CACNG4: variants seen among roughly 807,000 people sequenced by gnomAD.
CACNG4 encodes the protein calcium voltage-gated channel auxiliary subunit gamma 4.
Under a neutral mutation model 22.9 loss-of-function variants are expected in CACNG4, and 8 were observed. The observed-to-expected ratio is 0.35, with a 90% CI of 0.21 to 0.63. CACNG4 has a LOEUF of 0.63. Among genes scored for constraint, CACNG4 ranks in the 30% least tolerant of loss-of-function variants. CACNG4 has a pLI of 0.72. For synonymous variants in CACNG4, 188 were observed against 191.9 expected, an observed-to-expected ratio of 0.98 and a Z score of 0.17; for missense variants, 357 against 455.4, an observed-to-expected ratio of 0.78 and a Z score of 1.97.
chr17:67,001,165 G>A (rs2035405874), intron 1 of CACNG4, among the ~76,000 whole-genome samples: 1 of 152,190 alleles, frequency 6.6e-6, no homozygotes, highest in Admixed American at 6.5e-5. Context: ...CTGCTGCCAT[G>A]TAAGATGTGC....
rs368551670 is a variant in CACNG4, at chr17:67,030,349, A to C, written c.446-117A>C. 8 of 816,110 alleles carry C rather than the reference A, an allele frequency of 9.8e-6. No individual in the cohort carries two copies. In the East Asian group the frequency reaches 1.9e-4, roughly 20 times the overall value. The allele number at this position is 816,110 out of a possible 1,614,324, so 50.6% of individuals were successfully genotyped here. A position where few individuals can be genotyped will look rare whatever the true frequency, so the allele number is the denominator to read the frequency against. On this transcript the variant is annotated intron_variant, in intron 3 of 3. Transcript: ENST00000262138. The surrounding 1 kb of genome is among the most constrained non-coding windows in gnomAD (Gnocchi z 6.4). ...AAAAATTAGCAACCAGAATAAAGAA[A>C]TACTCATCAGAGAGGGGAGTGTCCA...
intron 1 of CACNG4, among the ~76,000 whole-genome samples, chr17:66,968,384 TCTTCC>T (rs1438327461): frequency 6.6e-6 from 1 of 151,892 alleles, no homozygotes; most frequent in Non-Finnish European, 1.5e-5. Flanking sequence ...CCTTCTTTTC[TCTTCC>T]CTTCCCTTCT....
Position 67,030,881 on chromosome 17 carries a change from C to A in CACNG4, c.861C>A (p.Thr287=). ...TGTCCAGGGAGCCCCTCAAGGTGAC[C>A]ACCGCAGCCAGCTACAGCCCCGACC... ...YTLSREPLKV[T]TAASYSPDQE... is the part of the protein sequence containing the mutation. Residue 287 remains threonine, a synonymous_variant, in exon 4 of 4, where the codon ACC becomes ACA. Transcript: ENST00000262138. This position sits in a 1 kb window ranked among gnomAD's most constrained non-coding sequence, Gnocchi z 6.4. 6.2e-7 allele frequency: 1 copy of A among 1,612,768 alleles called. No individual in the cohort carries two copies. The highest frequency in any genetic ancestry group is 8.5e-7 in the Non-Finnish European group (1 of 1,180,022).
At chr17:66,987,618 T>C (rs2035312497) in intron 1 of CACNG4, among the ~76,000 whole-genome samples, 1 of 151,804 alleles carries the variant, frequency 6.6e-6, no homozygotes, top group South Asian at 2.1e-4. Context: ...AATGAGAGAG[T>C]GGTTTTACCG....
intron 1 of CACNG4, among the ~76,000 whole-genome samples, chr17:66,992,550 AC>A (rs1169896683): frequency 6.6e-6 from 1 of 152,152 alleles, no homozygotes; most frequent in African/African-American, 2.4e-5. Context: ...GCTGGAAGCA[AC>A]CCTGCCATGG....
At chr17:67,006,224 G>T (rs1400066430) in intron 1 of CACNG4, among the ~76,000 whole-genome samples, 3 of 152,216 alleles carry the variant, frequency 2.0e-5, no homozygotes, top group South Asian at 2.1e-4. Context: ...AGGGCCCCAG[G>T]GTGGGATCCA....
chr17:66,990,593 G>A (rs565681227), intron 1 of CACNG4, among the ~76,000 whole-genome samples: 1 of 152,162 alleles, frequency 6.6e-6, no homozygotes, highest in South Asian at 2.1e-4. Flanking sequence ...CCTCACTAGG[G>A]GTGGAGAGTT....
intron 2 of CACNG4, 63 bp downstream of exon 2, chr17:67,018,335 C>G (rs939401352): frequency 7.9e-7 from 1 of 1,272,678 alleles, no homozygotes; most frequent in Non-Finnish European, 1.1e-6. Context: ...GGAAGGCGGC[C>G]GGAGGAAAGA....
In CACNG4 at chr17:66,964,943, T is replaced by C; in HGVS notation, c.32T>C (p.Leu11Pro). 6.3e-7 allele frequency: 1 copy of C among 1,598,950 alleles called. No homozygotes were observed. The highest frequency in any genetic ancestry group is 2.3e-5 in the East Asian group (1 of 43,872). The change falls in exon 1 of 4, where the codon CTG becomes CCG. Residue 11 changes from leucine to proline, a missense_variant. Coordinates refer to ENST00000262138, the MANE Select transcript of CACNG4 (RefSeq NM_014405.4). ...CGATGCGACCGCGGGCTGCAGATGC[T>C]GCTGACCACGGCCGGAGCCTTCGCC... MVRCDRGLQMLLTTAGAFAAF... is the reference protein window; with the variant it reads MVRCDRGLQMPLTTAGAFAAF...
intron 1 of CACNG4, among the ~76,000 whole-genome samples, chr17:66,974,804 C>A (rs2035226087): frequency 6.6e-6 from 1 of 152,204 alleles, no homozygotes; most frequent in African/African-American, 2.4e-5. Flanking sequence ...TCTCTGCAGG[C>A]TTTTCCCAGG....
At chr17:66,976,327 T>C (rs2035235848) in intron 1 of CACNG4, among the ~76,000 whole-genome samples, 1 of 150,356 alleles carries the variant, frequency 6.7e-6, no homozygotes, top group South Asian at 2.1e-4. Flanking sequence ...CCCTCCTCCC[T>C]CTGTCTTTCC....
chr17:67,023,870 C>T (rs2035547483), intron 2 of CACNG4, among the ~76,000 whole-genome samples: 1 of 152,250 alleles, frequency 6.6e-6, no homozygotes. Flanking sequence ...AGCCACTGCG[C>T]CTGGCCAAGG....
At chr17:67,016,501 G>A (rs1313409111) in intron 1 of CACNG4, among the ~76,000 whole-genome samples, 4 of 152,160 alleles carry the variant, frequency 2.6e-5, no homozygotes, top group South Asian at 2.1e-4. Flanking sequence ...GAAGGGCAGC[G>A]TGCTCCCAGC....
intron 1 of CACNG4, among the ~76,000 whole-genome samples, chr17:66,990,556 AACTTG>A (rs1312521571): frequency 6.6e-6 from 1 of 152,210 alleles, no homozygotes; most frequent in African/African-American, 2.4e-5. Context: ...CGGTCAGATG[AACTTG>A]ACTTTGATTT....
At position 67,030,961 on chromosome 17, in the gene CACNG4, G is replaced by T; in HGVS notation, c.941G>T (p.Gly314Val). 1 of 1,613,796 alleles carries T rather than the reference G, an allele frequency of 6.2e-7. No homozygotes were observed. Among genetic ancestry groups the T allele is most frequent in the South Asian group, 1.1e-5 (1 of 91,086 alleles). The change falls in exon 4 of 4, where the codon GGT becomes GTT. Residue 314 changes from glycine to valine, a missense_variant. Around this residue, in one of 3 missense-constraint regions of CACNG4, gnomAD observed 240 missense variants for 277.6 expected, o/e 0.86. Transcript: ENST00000262138. This position sits in a 1 kb window ranked among gnomAD's most constrained non-coding sequence, Gnocchi z 6.4. The stretch of plus-strand genomic sequence containing the variant: ...TTTTTCCAGCAGGACCTGAAGGAAG[G>T]TTTCCACGTCAGCATGCTGAACCGA... ...HDFFQQDLKEGFHVSMLNRRT... is the reference protein window; with the variant it reads ...HDFFQQDLKEVFHVSMLNRRT...
chr17:66,968,964 ACACT>A (rs1436747649), intron 1 of CACNG4, among the ~76,000 whole-genome samples: 3 of 151,434 alleles, frequency 2.0e-5, no homozygotes, highest in Non-Finnish European at 2.9e-5. Context: ...GCCTTCTGAG[ACACT>A]CACCTCATTC....
rs34332552 is a variant in CACNG4 at position 67,030,152 on chromosome 17, G to GGT, written c.446-294_446-293dup. On this transcript the variant is annotated intron_variant, in intron 3 of 3. Transcript: ENST00000262138. The surrounding 1 kb of genome is among the most constrained non-coding windows in gnomAD (Gnocchi z 6.4). ...AGTACTGTGCAAAGGAAATAATAGGGGTGTGTGTGTGTGTGTGTGTGAAGA... is the reference window on the plus strand; with the variant it reads ...AGTACTGTGCAAAGGAAATAATAGGGGTGTGTGTGTGTGTGTGTGTGTGAAGA... Among the ~76,000 whole-genome samples the GGT allele has an allele frequency of 1.2e-3, 103 of 88,606 alleles. No homozygotes were observed. The highest frequency in any genetic ancestry group is 1.8e-3 in the Non-Finnish European group (57 of 32,384). The allele number at this position is 88,606 out of a possible 152,430, so 58.1% of individuals were successfully genotyped here. A position where few individuals can be genotyped will look rare whatever the true frequency, so the allele number is the denominator to read the frequency against.
intron 1 of CACNG4, among the ~76,000 whole-genome samples, chr17:66,975,691 C>T (rs1056490231): frequency 1.3e-5 from 2 of 152,200 alleles, no homozygotes; most frequent in Non-Finnish European, 2.9e-5. Flanking sequence ...GCTCACCAGC[C>T]TGCAGGGTCC....
chr17:67,030,730 G>C lies in CACNG4; in HGVS notation c.710G>C (p.Arg237Thr). Residue 237 changes from arginine to threonine, a missense_variant, in exon 4 of 4, where the codon AGG becomes ACG. Arg to Thr is a moderately conservative substitution (Grantham distance 71). This residue lies in a region of CACNG4 where 240 missense variants were observed against 277.6 expected (regional missense o/e 0.86). Transcript: ENST00000262138. The surrounding 1 kb of genome is among the most constrained non-coding windows in gnomAD (Gnocchi z 6.4). ...CCTTATGCCAGGATGCCGAGCTACA[G>C]GTACCGGCGACGGCGCTCGAGGTCC... ...SSPYARMPSY[R>T]YRRRRSRSSS... 6.2e-7 allele frequency: 1 copy of C among 1,614,222 alleles called. No homozygotes were observed. The highest frequency in any genetic ancestry group is 8.5e-7 in the Non-Finnish European group (1 of 1,180,048).
Sources: gnomAD v4.1 joint callset for allele counts (sites outside exome capture counted in the v4.1 genomes callset) on GRCh38, gnomAD v4.1.1 for gene constraint, gnomAD v4.1.1 regional missense constraint, Gnocchi (gnomAD v3.1) non-coding constraint, MANE v1.5 for transcripts, NCBI Gene and HGNC (gene_info 2026-07-23, HGNC 2026-07-21) for gene names.